The following PPP4R2 variants were observed in gnomAD, a reference collection of about 807,000 sequenced individuals.
PPP4R2 encodes the protein serine/threonine-protein phosphatase 4 regulatory subunit 2.
A neutral mutation model predicts 47.2 loss-of-function variants in PPP4R2; 13 were observed. The ratio of observed to expected loss-of-function variants is 0.28; its 90% confidence interval spans 0.18 to 0.44. The LOEUF (loss-of-function observed/expected upper bound fraction) is 0.44, where lower values mean the gene tolerates loss of function less well. PPP4R2 is among the 20% of genes least tolerant of loss of function. The pLI, the probability that PPP4R2 is intolerant of heterozygous loss-of-function variation, is 1.00. For missense variants in PPP4R2, 421 were observed against 491.2 expected (o/e 0.86, Z 1.35); for synonymous variants, 151 against 163.3 (o/e 0.92, Z 0.57).
chr3:73,058,331 C>A (rs1271896999), intron 3 of PPP4R2, among the ~76,000 whole-genome samples: 4 of 151,988 alleles, frequency 2.6e-5, no homozygotes, highest in African/African-American at 9.7e-5. Flanking sequence ...CCTTTGAGTG[C>A]AGAAGAATAC....
At chr3:73,001,424 C>T (rs1013662126) in intron 2 of PPP4R2, among the ~76,000 whole-genome samples, 2 of 151,906 alleles carry the variant, frequency 1.3e-5, no homozygotes, top group Admixed American at 6.6e-5. Context: ...ATTAGCCTAA[C>T]GTGGTGGCAT....
At chr3:73,052,303 C>G (rs1252672094) in intron 3 of PPP4R2, among the ~76,000 whole-genome samples, 1 of 121,642 alleles carries the variant, frequency 8.2e-6, no homozygotes, top group Admixed American at 8.8e-5. Context: ...TTTAAAATTT[C>G]ATAGAAGATG....
intron 2 of PPP4R2, among the ~76,000 whole-genome samples, chr3:73,028,458 A>G (rs1702109613): frequency 1.3e-5 from 2 of 151,896 alleles, no homozygotes; most frequent in Non-Finnish European, 2.9e-5. Context: ...ATCCAGGTAG[A>G]AGACTTTTTT....
intron 2 of PPP4R2, chr3:73,015,706 C>T (rs910411506): frequency 7.2e-5 from 23 of 317,504 alleles, no homozygotes; most frequent in Non-Finnish European, 1.2e-4. Context: ...GGCGCCATCT[C>T]GGCTCACTGC....
intron 3 of PPP4R2, among the ~76,000 whole-genome samples, chr3:73,051,237 G>T (rs1254877437): frequency 6.6e-6 from 1 of 152,036 alleles, no homozygotes; most frequent in Non-Finnish European, 1.5e-5. Flanking sequence ...TTTTTAATTT[G>T]TAGAAATGTA....
Position 73,065,628 on chromosome 3 carries a change from A to C in PPP4R2, c.1160A>C (p.Asn387Thr). The change falls in exon 9 of 9, where the codon AAT (asparagine) becomes ACT (threonine). Residue 387 changes from asparagine to threonine, a missense_variant. By Grantham distance (65) the Asn-to-Thr change is moderately conservative (BLOSUM62 0). Coordinates refer to ENST00000356692, the MANE Select transcript of PPP4R2 (RefSeq NM_174907.4). ...CRETEELVGS[N>T]SSKTGEILSE... ...GAAACAGAAGAATTAGTAGGATCCA[A>C]TTCCAGTAAAACTGGAGAGATTCTT... The C allele has an allele frequency of 2.5e-6, 4 of 1,613,018 alleles. No homozygotes were observed. The highest frequency in any genetic ancestry group is 3.4e-6 in the Non-Finnish European group (4 of 1,179,016).
rs2107356024 is a variant in PPP4R2, at chr3:73,067,756, T to C, written c.*2034T>C. 6.6e-6 allele frequency: 1 copy of C among 152,338 alleles called. No individual in the cohort carries two copies. The highest frequency in any genetic ancestry group is 1.9e-4 in the East Asian group (1 of 5,192). The allele number at this position is 152,338 out of a possible 1,614,324, so 9.4% of individuals were successfully genotyped here. ...TTTTGTTGGTTGTAAGTTGAAGATT[T>C]AGCATTATGACTTTGAGGTCTGTGG... On this transcript the variant is annotated 3_prime_UTR_variant, in exon 9 of 9. Transcript: ENST00000356692.
intron 2 of PPP4R2, among the ~76,000 whole-genome samples, chr3:73,023,486 A>G (rs1038341404): frequency 6.6e-6 from 1 of 152,156 alleles, no homozygotes; most frequent in Admixed American, 6.6e-5. Context: ...GTGCCTGGCC[A>G]GAATAAGATT....
At chr3:73,028,887 A>C (rs1702117892) in intron 2 of PPP4R2, among the ~76,000 whole-genome samples, 1 of 152,228 alleles carries the variant, frequency 6.6e-6, no homozygotes, top group Non-Finnish European at 1.5e-5. Context: ...AATATAATGT[A>C]GGGCAATGTG....
At chr3:73,035,121 T>A (rs1382899351) in intron 2 of PPP4R2, among the ~76,000 whole-genome samples, 1 of 152,216 alleles carries the variant, frequency 6.6e-6, no homozygotes, top group African/African-American at 2.4e-5. Flanking sequence ...ATGGGCTAAT[T>A]ATCTGAACAT....
At chr3:72,997,131 T>C in intron 1 of PPP4R2, 60 bp downstream of exon 1, 1 of 1,260,808 alleles carries the variant, frequency 7.9e-7, no homozygotes. Flanking sequence ...TCTTCTCTCC[T>C]TTCAGGGCGG....
intron 3 of PPP4R2, among the ~76,000 whole-genome samples, chr3:73,054,223 C>G (rs539461667): frequency 6.6e-6 from 1 of 152,130 alleles, no homozygotes. Context: ...CAGCTAATTT[C>G]GCCTCTTTTA....
rs375936548 is a variant in PPP4R2, at chr3:73,010,114, A to T, written c.116+11956A>T. Among the ~76,000 whole-genome samples, 10 of 152,370 alleles carry T rather than the reference A, an allele frequency of 6.6e-5. 1 individual carries two copies. Among genetic ancestry groups the T allele is most frequent in the African/African-American group, 2.4e-4 (10 of 41,584 alleles). ...TAATTCAAGTCTCAAATTAGTAATG[A>T]TATGAAACAGTAGTAATAATGCCCT... On this transcript the variant is annotated intron_variant, in intron 2 of 8. Coordinates refer to ENST00000356692, the MANE Select transcript of PPP4R2 (RefSeq NM_174907.4).
chr3:72,998,951 T>A (rs557859614), intron 2 of PPP4R2, among the ~76,000 whole-genome samples: 113 of 152,350 alleles, frequency 7.4e-4, no homozygotes, highest in Non-Finnish European at 1.5e-3. Flanking sequence ...TGTTAATAAG[T>A]GGGTTATCTG....
In PPP4R2 at chr3:73,065,762, T is replaced by A; in HGVS notation, c.*40T>A. 1.4e-6 allele frequency: 2 copies of A among 1,415,270 alleles called. No individual in the cohort carries two copies. Among genetic ancestry groups the A allele is most frequent in the East Asian group, 2.4e-5 (1 of 41,358 alleles). 87.7% of individuals were successfully genotyped at this position (1,415,270 alleles called of 1,614,324 possible). On this transcript the variant is annotated 3_prime_UTR_variant, in exon 9 of 9. Coordinates refer to ENST00000356692, the MANE Select transcript of PPP4R2 (RefSeq NM_174907.4). ...TTAGATGCAGTATTTTACATACAGT[T>A]CTGGTTTTAACACTGTATAAAACTT...
At chr3:73,005,258 A>G (rs903776237) in intron 2 of PPP4R2, among the ~76,000 whole-genome samples, 5 of 151,734 alleles carry the variant, frequency 3.3e-5, no homozygotes, top group South Asian at 4.2e-4. Context: ...AGTGGTTTTT[A>G]TAGACTAGAT....
At chr3:73,031,706 T>C (rs1407068484) in intron 2 of PPP4R2, among the ~76,000 whole-genome samples, 1 of 152,158 alleles carries the variant, frequency 6.6e-6, no homozygotes, top group Non-Finnish European at 1.5e-5. Context: ...AGAATGCCAA[T>C]ATAAGCCCAA....
Position 73,064,944 on chromosome 3 carries a change from A to G in PPP4R2, c.731A>G (p.Glu244Gly). 2 of 1,613,916 alleles carry G rather than the reference A, an allele frequency of 1.2e-6. No homozygotes were observed. Among genetic ancestry groups the G allele is most frequent in the Non-Finnish European group, 1.7e-6 (2 of 1,179,822 alleles). Residue 244 changes from glutamate to glycine, a missense_variant, in exon 8 of 9, where the codon GAG becomes GGG. Physicochemically the swap from Glu to Gly is moderately conservative, Grantham distance 98 (BLOSUM62 -2). Coordinates refer to ENST00000356692, the MANE Select transcript of PPP4R2 (RefSeq NM_174907.4). ...DEDAVEAEGH[E>G]VKRLRFDKEG... ...GATGCTGTGGAAGCTGAGGGGCATG[A>G]GGTAAAAAGACTCAGGTTTGACAAA...
chr3:73,024,248 TCAC>T (rs1334275281), intron 2 of PPP4R2, among the ~76,000 whole-genome samples: 1 of 152,114 alleles, frequency 6.6e-6, no homozygotes, highest in African/African-American at 2.4e-5. Flanking sequence ...AAGGTAAAAT[TCAC>T]CAATTTATAA....
Sources: allele counts gnomAD v4.1 joint callset (sites outside exome capture counted in the v4.1 genomes callset), GRCh38; gene constraint gnomAD v4.1.1; transcripts MANE v1.5; gene names NCBI Gene and HGNC (gene_info 2026-07-23, HGNC 2026-07-21).